Variants in PATL2 observed in about 807,000 individuals in gnomAD.
PATL2 encodes the protein protein PAT1 homolog 2.
A neutral mutation model predicts 77.0 loss-of-function variants in PATL2; 73 were observed. The ratio of observed to expected loss-of-function variants is 0.95; its 90% CI spans 0.78 to 1.15. The LOEUF (loss-of-function observed/expected upper bound fraction) is 1.15. PATL2 is among the 50% of genes most tolerant of loss of function. The pLI is 0.00. For synonymous variants in PATL2, 265 were observed against 257.1 expected (o/e 1.03, Z -0.29); for missense variants, 618 against 655.4 (o/e 0.94, Z 0.62).
rs771909050 is a variant in PATL2 at position 44,668,322 on chromosome 15, A to T, written c.1365+20T>A. 6.5e-7 allele frequency: 1 copy of T among 1,545,002 alleles called. No homozygotes were observed. The highest frequency in any genetic ancestry group is 1.2e-5 in the South Asian group (1 of 83,358). On this transcript the variant is annotated intron_variant, in intron 15 of 17. Coordinates refer to ENST00000682850, the MANE Select transcript of PATL2 (RefSeq NM_001387263.1). ...CAACCTGAAAGCCATCTATGGAAAA[A>T]AGCCTCCTAGACATGTTACCTGATT... is the stretch of plus-strand genomic sequence containing the variant.
rs143047521 is a variant in PATL2, at chr15:44,675,469, C to T, written c.222+17G>A. The T allele has an allele frequency of 5.2e-6, 8 of 1,547,634 alleles. No individual in the cohort carries two copies. In the African/African-American group the frequency reaches 9.6e-5, roughly 19 times the overall value. ...CAGTTCAGGACAACCCTCTCCCATT[C>T]CCTTCTGCCATGGTACCTGGGTGTT... On this transcript the variant is annotated intron_variant, in intron 5 of 17. Coordinates refer to ENST00000682850, the MANE Select transcript of PATL2 (RefSeq NM_001387263.1).
In PATL2 at chr15:44,673,180, G is replaced by GC. The variant is rs1025324830; in HGVS notation, c.446+54dup. 214 of 1,539,404 alleles carry GC rather than the reference G, an allele frequency of 1.4e-4. No individual in the cohort carries two copies. In the Middle Eastern group the frequency reaches 2.6e-3, roughly 19 times the overall value. On this transcript the variant is annotated intron_variant, in intron 7 of 17. Coordinates refer to ENST00000682850, the MANE Select transcript of PATL2 (RefSeq NM_001387263.1). Reference sequence around the variant, plus strand: ...GTGGCAACTGGTAGGCATGGTCCCCGCCCCTCCTCAGCCAGCACCTCCTGA... The same window carrying GC: ...GTGGCAACTGGTAGGCATGGTCCCCGCCCCCTCCTCAGCCAGCACCTCCTGA...
chr15:44,711,299 C>G lies in PATL2; in HGVS notation c.-533G>C. On this transcript the variant is annotated 5_prime_UTR_variant, in exon 1 of 18. Transcript: ENST00000682850. ...CCAAGCTGGGGCGCGCACCCCAGAT[C>G]GGAGGGCGCCGATGTACAGACAGCA... 3.3e-6 allele frequency: 2 copies of G among 604,228 alleles called. No individual in the cohort carries two copies. Among genetic ancestry groups the G allele is most frequent in the Non-Finnish European group, 5.9e-6 (2 of 336,732 alleles). The allele number at this position is 604,228 out of a possible 1,614,324, so 37.4% of individuals were successfully genotyped here.
chr15:44,709,106 C>A (rs928387795), intron 3 of PATL2, among the ~76,000 whole-genome samples: 1 of 151,988 alleles, frequency 6.6e-6, no homozygotes, highest in Non-Finnish European at 1.5e-5. Flanking sequence ...ACCATGTTGG[C>A]CAGGCTGGTC....
At chr15:44,683,102 G>A (rs570720593) in intron 3 of PATL2, among the ~76,000 whole-genome samples, 2 of 152,334 alleles carry the variant, frequency 1.3e-5, no homozygotes, top group East Asian at 1.9e-4. Flanking sequence ...CCACAGAACA[G>A]GAGATTCCCT....
chr15:44,674,960 G>C (rs1211072824), intron 5 of PATL2: 2 of 152,894 alleles, frequency 1.3e-5, no homozygotes, highest in Non-Finnish European at 2.9e-5. Flanking sequence ...TGTGAATGTG[G>C]TCTCTCTTAA....
Position 44,673,267 on chromosome 15 carries a change from G to A in PATL2, c.414C>T (p.Cys138=). 6.4e-7 allele frequency: 1 copy of A among 1,551,634 alleles called. No homozygotes were observed. Among genetic ancestry groups the A allele is most frequent in the South Asian group, 1.2e-5 (1 of 84,066 alleles). The change falls in exon 7 of 18, where the codon TGC becomes TGT. Residue 138 remains cysteine, a synonymous_variant. Transcript: ENST00000682850. ...TAGGGGGCCACGAGGTCAGCAGGCT[G>A]CAGAAGAGAGTTGGGTCTGGTGAGG... ...RLPSPDPTLF[C]SLLTSWPPRF... is the part of the protein sequence containing the mutation.
chr15:44,667,584 AT>A (rs2085445621), intron 15 of PATL2, among the ~76,000 whole-genome samples: 1 of 152,234 alleles, frequency 6.6e-6, no homozygotes, highest in Admixed American at 6.5e-5. Flanking sequence ...CCACTGGGAT[AT>A]TAGAAGAGAG....
intron 3 of PATL2, among the ~76,000 whole-genome samples, chr15:44,702,051 C>T (rs960564820): frequency 7.9e-5 from 12 of 152,128 alleles, no homozygotes; most frequent in African/African-American, 2.4e-4. Flanking sequence ...TACAATTCAA[C>T]ATGAGATTTG....
At chr15:44,668,693 A>G (rs1028580521) in intron 14 of PATL2, among the ~76,000 whole-genome samples, 1 of 152,176 alleles carries the variant, frequency 6.6e-6, no homozygotes, top group African/African-American at 2.4e-5. Flanking sequence ...AAAAGTAGAT[A>G]GGGGCTCAAC....
At chr15:44,672,642 A>T (rs566386574) in intron 7 of PATL2, among the ~76,000 whole-genome samples, 186 bp from the exon 8 acceptor site, 5 of 152,312 alleles carry the variant, frequency 3.3e-5, no homozygotes, top group Admixed American at 6.5e-5. Context: ...CTCCTCCAAC[A>T]TCTATTTTCC....
At position 44,667,150 on chromosome 15, in the gene PATL2, C is replaced by T. The variant is rs1024719184; in HGVS notation, c.1419G>A (p.Ser473=). The change falls in exon 16 of 18, where the codon TCG becomes TCA. Residue 473 remains serine (S), a synonymous_variant. Coordinates refer to ENST00000682850, the MANE Select transcript of PATL2 (RefSeq NM_001387263.1). ...ALLSHGEQLV[S]LHSSLEEPNS... is the part of the protein sequence containing the mutation. ...TGGGTTCCTCTAGGGAAGAATGCAG[C>T]GATACCAGTTGCTCCCCATGGCTCA... The T allele has an allele frequency of 2.7e-5, 42 of 1,551,504 alleles. No homozygotes were observed. Among genetic ancestry groups the T allele is most frequent in the Non-Finnish European group, 3.1e-5 (36 of 1,146,974 alleles).
At chr15:44,672,323 G>T in intron 8 of PATL2, 65 bp downstream of exon 8, 1 of 1,529,242 alleles carries the variant, frequency 6.5e-7, no homozygotes. Flanking sequence ...GAGACAACTG[G>T]TCACAAGGGG....
Position 44,669,778 on chromosome 15 carries a change from T to TG in PATL2, c.874dup (p.Gln292ProfsTer18). On this transcript the variant is annotated frameshift_variant and splice_region_variant, in exon 11 of 18. Coordinates refer to ENST00000682850, the MANE Select transcript of PATL2 (RefSeq NM_001387263.1). LOFTEE classifies it high-confidence loss of function. The stretch of plus-strand genomic sequence containing the variant: ...TGTCTGGGAAGATAGTGCTCCCACC[T>TG]GCTCTTGAGTTCCATGGGGTACCGC... 1 of 1,551,670 alleles carries TG rather than the reference T, an allele frequency of 6.4e-7. No individual in the cohort carries two copies. The highest frequency in any genetic ancestry group is 8.7e-7 in the Non-Finnish European group (1 of 1,146,954).
Position 44,667,213 on chromosome 15 carries a change from A to G in PATL2, c.1366-10T>C. Reference sequence around the variant, plus strand: ...GCAAAGATATTCCAAACTGCAAGGGACATATATATATTCCAGAGCAAAATG... The same window carrying G: ...GCAAAGATATTCCAAACTGCAAGGGGCATATATATATTCCAGAGCAAAATG... On this transcript the variant is annotated splice_polypyrimidine_tract_variant and intron_variant, in intron 15 of 17. Coordinates refer to ENST00000682850, the MANE Select transcript of PATL2 (RefSeq NM_001387263.1). The G allele has an allele frequency of 6.5e-7, 1 of 1,545,164 alleles. No homozygotes were observed. Among genetic ancestry groups the G allele is most frequent in the Non-Finnish European group, 8.8e-7 (1 of 1,141,368 alleles).
At chr15:44,701,381 G>C (rs2141264219) in intron 3 of PATL2, among the ~76,000 whole-genome samples, 1 of 151,858 alleles carries the variant, frequency 6.6e-6, no homozygotes, top group East Asian at 1.9e-4. Context: ...GGTGTTTTGG[G>C]TCTTTCTTGC....
intron 3 of PATL2, among the ~76,000 whole-genome samples, chr15:44,695,580 G>A (rs960866385): frequency 2.0e-5 from 3 of 152,160 alleles, no homozygotes; most frequent in African/African-American, 7.2e-5. Context: ...TAAAGCCTGA[G>A]TATAAAATCC....
intron 3 of PATL2, among the ~76,000 whole-genome samples, chr15:44,694,058 A>T (rs189491525): frequency 1.3e-3 from 197 of 152,288 alleles, no homozygotes; most frequent in African/African-American, 4.2e-3. Context: ...GAAAATATCA[A>T]TATTTTATTA....
intron 15 of PATL2, among the ~76,000 whole-genome samples, 168 bp downstream of exon 15, chr15:44,668,174 A>G (rs1392635778): frequency 1.3e-5 from 2 of 152,326 alleles, no homozygotes; most frequent in South Asian, 4.1e-4. Flanking sequence ...GAGTGGGACC[A>G]AGGAGCTGGG....
Sources: allele counts gnomAD v4.1 joint callset (sites outside exome capture counted in the v4.1 genomes callset), GRCh38; gene constraint gnomAD v4.1.1; transcripts MANE v1.5; gene names NCBI Gene and HGNC (gene_info 2026-07-23, HGNC 2026-07-21).